AUTS2: variants seen among roughly 807,000 people sequenced by gnomAD.
The protein encoded by AUTS2 is autism susceptibility gene 2 protein.
AUTS2 carries 17 observed loss-of-function variants against 112.4 expected under a neutral mutation model. That is an observed-to-expected ratio of 0.15 (90% CI 0.10 to 0.23). The LOEUF is 0.23. AUTS2 is among the 10% of genes least tolerant of loss of function. The pLI is 1.00. For synonymous variants in AUTS2, 751 were observed against 702.7 expected, an observed-to-expected ratio of 1.07 and a Z score of -1.09; for missense variants, 1,510 against 1,701.6, an observed-to-expected ratio of 0.89 and a Z score of 1.98.
At chr7:69,748,124 T>C (rs1041321811) in intron 1 of AUTS2, among the ~76,000 whole-genome samples, 9 of 152,130 alleles carry the variant, frequency 5.9e-5, no homozygotes, top group African/African-American at 2.2e-4. Context: ...ATGCTTCTCA[T>C]TAGGGTCTCA....
intron 5 of AUTS2, among the ~76,000 whole-genome samples, chr7:70,555,647 G>A (rs1180996291): frequency 6.6e-6 from 1 of 152,078 alleles, no homozygotes; most frequent in Non-Finnish European, 1.5e-5. Context: ...CTTCTCTGAT[G>A]TTGTTTCCTC....
At chr7:70,038,128 G>A (rs961985697) in intron 2 of AUTS2, among the ~76,000 whole-genome samples, 52 of 152,018 alleles carry the variant, frequency 3.4e-4, no homozygotes, top group African/African-American at 1.2e-3. Context: ...AATGGACTGC[G>A]GTGAGGGAGA....
At chr7:70,583,876 C>A (rs556837819) in intron 5 of AUTS2, among the ~76,000 whole-genome samples, 1 of 152,226 alleles carries the variant, frequency 6.6e-6, no homozygotes, top group South Asian at 2.1e-4. Flanking sequence ...TGTAGAGCAG[C>A]GGTAAGCAGT....
intron 4 of AUTS2, among the ~76,000 whole-genome samples, chr7:70,162,742 G>A (rs1245579420): frequency 1.3e-5 from 2 of 152,034 alleles, no homozygotes; most frequent in Non-Finnish European, 2.9e-5. Context: ...AAATATTTAC[G>A]TGGTAGAAAA....
At chr7:69,824,363 C>G (rs1421618258) in intron 1 of AUTS2, among the ~76,000 whole-genome samples, 3 of 151,250 alleles carry the variant, frequency 2.0e-5, no homozygotes, top group Non-Finnish European at 4.4e-5. Context: ...GAGCCGAGAT[C>G]GCGCCACCGC....
At chr7:69,713,204 A>G (rs540822138) in intron 1 of AUTS2, among the ~76,000 whole-genome samples, 5 of 152,284 alleles carry the variant, frequency 3.3e-5, no homozygotes, top group Admixed American at 6.5e-5. Context: ...TAGCATATCT[A>G]CCACCTCATA....
chr7:69,783,496 A>AT (rs1179818960), intron 1 of AUTS2, among the ~76,000 whole-genome samples: 1 of 151,882 alleles, frequency 6.6e-6, no homozygotes, highest in Non-Finnish European at 1.5e-5. Context: ...GCTCACACTG[A>AT]TTTTTGCGGC....
chr7:69,890,130 A>G (rs1794456075), intron 1 of AUTS2, among the ~76,000 whole-genome samples: 1 of 152,140 alleles, frequency 6.6e-6, no homozygotes, highest in Non-Finnish European at 1.5e-5. Context: ...AAACTGTTTT[A>G]AGCAATAGCA....
intron 1 of AUTS2, among the ~76,000 whole-genome samples, chr7:69,763,189 T>C (rs1251323995): frequency 1.3e-5 from 2 of 152,210 alleles, no homozygotes; most frequent in African/African-American, 4.8e-5. Flanking sequence ...ATGCTTTAAT[T>C]GCCTCAGCAT....
intron 1 of AUTS2, among the ~76,000 whole-genome samples, chr7:69,667,783 C>T (rs1258164146): frequency 6.6e-6 from 1 of 152,160 alleles, no homozygotes. Context: ...CATTCCCAAT[C>T]CAGTAGCGGC....
rs915192599 is a variant in AUTS2 at position 70,408,316 on chromosome 7, T to C, written c.661-27436T>C. 1.2e-4 allele frequency among the ~76,000 whole-genome samples: 18 copies of C among 152,202 alleles called. No homozygotes were observed. The East Asian group carries it at 3.3e-3, about 28-fold the overall frequency. ...TAGGGTCAGCTCAGGAAATGGTTCA[T>C]AGGGTGAGCTCAGTGAGAATCACAT... On this transcript the variant is annotated intron_variant, in intron 4 of 18. Coordinates refer to ENST00000342771, the MANE Select transcript of AUTS2 (RefSeq NM_015570.4).
At chr7:70,327,118 A>G (rs759901870) in intron 4 of AUTS2, among the ~76,000 whole-genome samples, 12 of 151,846 alleles carry the variant, frequency 7.9e-5, no homozygotes, top group Non-Finnish European at 1.6e-4. Context: ...GCATTTTGCC[A>G]TGTTTGCCAG....
intron 5 of AUTS2, among the ~76,000 whole-genome samples, chr7:70,615,399 C>G (rs927806583): frequency 1.3e-5 from 2 of 152,142 alleles, no homozygotes; most frequent in Non-Finnish European, 2.9e-5. Flanking sequence ...CTAAGACTTC[C>G]CTCCCATGTA....
intron 4 of AUTS2, among the ~76,000 whole-genome samples, chr7:70,193,898 T>G (rs1452843276): frequency 6.6e-6 from 1 of 152,240 alleles, no homozygotes; most frequent in East Asian, 1.9e-4. Context: ...TATATTCTTA[T>G]GATTTCTCCC....
intron 4 of AUTS2, among the ~76,000 whole-genome samples, chr7:70,209,420 G>C (rs2129587330): frequency 6.6e-6 from 1 of 152,304 alleles, no homozygotes; most frequent in Non-Finnish European, 1.5e-5. Flanking sequence ...GGCAGGTAAA[G>C]AATCTAGGAG....
chr7:69,684,703 A>G (rs1280244775), intron 1 of AUTS2, among the ~76,000 whole-genome samples: 1 of 152,206 alleles, frequency 6.6e-6, no homozygotes, highest in East Asian at 1.9e-4. Context: ...TAATGCTTTT[A>G]TATCTTTTAG....
intron 4 of AUTS2, among the ~76,000 whole-genome samples, chr7:70,397,362 G>A (rs978767838): frequency 2.0e-5 from 3 of 152,028 alleles, no homozygotes; most frequent in African/African-American, 7.2e-5. Flanking sequence ...ACCGAGCCCA[G>A]CCTCATTTTA....
At chr7:70,700,605 G>A (rs1273271024) in intron 6 of AUTS2, among the ~76,000 whole-genome samples, 1 of 149,714 alleles carries the variant, frequency 6.7e-6, no homozygotes, top group East Asian at 2.3e-4. Flanking sequence ...AGATTAAGGG[G>A]GGTGTGGAGG....
At chr7:70,707,718 C>T (rs1809814077) in intron 6 of AUTS2, among the ~76,000 whole-genome samples, 1 of 152,162 alleles carries the variant, frequency 6.6e-6, no homozygotes, top group Non-Finnish European at 1.5e-5. Context: ...GCCAGAGTCG[C>T]CATAGTTACT....
Sources: allele counts gnomAD v4.1 joint callset (sites outside exome capture counted in the v4.1 genomes callset), GRCh38; gene constraint gnomAD v4.1.1; transcripts MANE v1.5; gene names NCBI Gene and HGNC (gene_info 2026-07-23, HGNC 2026-07-21).